ERCC6L2: variants seen among roughly 807,000 people sequenced by gnomAD.
The protein encoded by ERCC6L2 is ERCC excision repair 6 like 2.
A neutral mutation model predicts 132.0 loss-of-function variants in ERCC6L2; 77 were observed. The observed-to-expected ratio is 0.58, with a 90% CI of 0.49 to 0.71. The LOEUF is 0.71. Among genes scored for constraint, ERCC6L2 ranks in the 30% least tolerant of loss-of-function variants. The pLI is 0.00. For synonymous variants in ERCC6L2, 583 were observed against 632.4 expected, an observed-to-expected ratio of 0.92 and a Z score of 1.17; for missense variants, 1,542 against 1,837.6, an observed-to-expected ratio of 0.84 and a Z score of 2.94.
chr9:95,918,831 A>C lies in ERCC6L2; in HGVS notation c.1159-2344A>C, dbSNP rs1021262957. The C allele has an allele frequency of 2.6e-5, 4 of 155,374 alleles. No individual in the cohort carries two copies. The Admixed American group carries it at 2.6e-4, about 10-fold the overall frequency. 9.6% of individuals were successfully genotyped at this position (155,374 alleles called of 1,614,324 possible). A position where few individuals can be genotyped will look rare whatever the true frequency, so the allele number is the denominator to read the frequency against. On this transcript the variant is annotated intron_variant, in intron 6 of 18. Transcript: ENST00000653738. ...GCCATCATCAGTCCTGCTGTTGTGA[A>C]GTAACAACTACACAGAGATTTCTCA...
In ERCC6L2 at chr9:96,013,057, T is replaced by A. The variant is rs374112204; in HGVS notation, c.4507T>A (p.Cys1503Ser). 1.9e-5 allele frequency: 26 copies of A among 1,367,530 alleles called. No individual in the cohort carries two copies. Among genetic ancestry groups the A allele is most frequent in the Non-Finnish European group, 2.5e-5 (26 of 1,021,842 alleles). The allele number at this position is 1,367,530 out of a possible 1,614,324, so 84.7% of individuals were successfully genotyped here. Residue 1503 changes from cysteine to serine, a missense_variant, in exon 19 of 19, where the codon TGT (cysteine) becomes AGT (serine). By Grantham distance (112) the Cys-to-Ser change is moderately radical (BLOSUM62 -1). Around this residue, in one of 4 missense-constraint regions of ERCC6L2, gnomAD observed 442 missense variants for 583.4 expected, o/e 0.76. Coordinates refer to ENST00000653738, the MANE Select transcript of ERCC6L2 (RefSeq NM_020207.7). Reference sequence around the variant, plus strand: ...AGACTTGGCAGTAATAGAGACTCTGTGTGAAAAAGCACCTCTAGCAGCACC... The same window carrying A: ...AGACTTGGCAGTAATAGAGACTCTGAGTGAAAAAGCACCTCTAGCAGCACC... ...LTDLAVIETL[C>S]EKAPLAAPFK... is the part of the protein sequence containing the mutation.
intron 18 of ERCC6L2, among the ~76,000 whole-genome samples, chr9:96,010,184 A>G (rs779763611): frequency 2.0e-5 from 3 of 152,208 alleles, no homozygotes; most frequent in Non-Finnish European, 4.4e-5. Flanking sequence ...ATGTGTTACT[A>G]AATATTCTGT....
intron 12 of ERCC6L2, among the ~76,000 whole-genome samples, chr9:95,947,264 C>T (rs968947460): frequency 2.6e-5 from 4 of 152,272 alleles, no homozygotes; most frequent in African/African-American, 9.6e-5. Flanking sequence ...ATTGCTGATA[C>T]GAAGAAAGTT....
chr9:95,900,130 A>C (rs1828693079), intron 3 of ERCC6L2, among the ~76,000 whole-genome samples: 1 of 152,184 alleles, frequency 6.6e-6, no homozygotes, highest in Admixed American at 6.5e-5. Context: ...TCACACCTGT[A>C]ATCCCAGCAC....
chr9:95,906,683 A>G (rs1406181640), intron 3 of ERCC6L2: 5 of 457,768 alleles, frequency 1.1e-5, no homozygotes, highest in African/African-American at 6.0e-5. Flanking sequence ...AGGAGACCAT[A>G]TATTTCAAGA....
intron 13 of ERCC6L2, among the ~76,000 whole-genome samples, chr9:95,958,208 A>C (rs1587977878): frequency 6.6e-6 from 1 of 151,930 alleles, no homozygotes; most frequent in Non-Finnish European, 1.5e-5. Context: ...TGAACTCATC[A>C]TTTTTTATGG....
At chr9:95,962,366 A>C (rs1006683468) in intron 13 of ERCC6L2, among the ~76,000 whole-genome samples, 50 of 152,250 alleles carry the variant, frequency 3.3e-4, no homozygotes, top group Admixed American at 3.3e-3. Context: ...TCCATAGCTA[A>C]CTGACAGAAA....
At chr9:95,912,133 C>T (rs1056085430) in intron 4 of ERCC6L2, among the ~76,000 whole-genome samples, 17 of 152,302 alleles carry the variant, frequency 1.1e-4, no homozygotes, top group African/African-American at 4.1e-4. Context: ...CTTAACTTTT[C>T]AAGAATGTGT....
chr9:95,921,070 C>T (rs2018478), intron 6 of ERCC6L2, 105 bp from the exon 7 acceptor site: 91,845 of 1,117,624 alleles, frequency 0.082, 4,146 homozygotes, highest in Middle Eastern at 0.12. Context: ...CCTCTGCGCC[C>T]GGCCAGTTTT....
intron 11 of ERCC6L2, among the ~76,000 whole-genome samples, chr9:95,938,752 T>C (rs1368136392): frequency 6.6e-6 from 1 of 152,178 alleles, no homozygotes; most frequent in Non-Finnish European, 1.5e-5. Context: ...GGAGAGCATA[T>C]TGTTTTTTCA....
At chr9:95,950,861 T>C (rs1831299357) in intron 12 of ERCC6L2, among the ~76,000 whole-genome samples, 1 of 152,086 alleles carries the variant, frequency 6.6e-6, no homozygotes, top group South Asian at 2.1e-4. Context: ...AAGGGAGAAA[T>C]AGCTCTGCAA....
Position 95,907,166 on chromosome 9 carries a change from A to C in ERCC6L2, c.683A>C (p.His228Pro). ...TWGYFRVTVLHGNRKDNELIR... is the reference protein window; with the variant it reads ...TWGYFRVTVLPGNRKDNELIR... The stretch of plus-strand genomic sequence containing the variant: ...GGATATTTCAGAGTCACTGTTTTAC[A>C]TGGAAACAGAAAAGATAATGAATTA... Residue 228 changes from histidine to proline, a missense_variant, in exon 4 of 19, where the codon CAT becomes CCT. By Grantham distance (77) the His-to-Pro change is moderately conservative (BLOSUM62 -2). Coordinates refer to ENST00000653738, the MANE Select transcript of ERCC6L2 (RefSeq NM_020207.7). The C allele has an allele frequency of 6.2e-7, 1 of 1,613,390 alleles. No homozygotes were observed. The highest frequency in any genetic ancestry group is 8.5e-7 in the Non-Finnish European group (1 of 1,179,606).
chr9:95,921,519 A>G (rs751344901), intron 7 of ERCC6L2, among the ~76,000 whole-genome samples: 7 of 152,234 alleles, frequency 4.6e-5, no homozygotes, highest in Non-Finnish European at 8.8e-5. Flanking sequence ...ATTTTCAAAA[A>G]GTTAATTGCA....
rs756314653 is a variant in ERCC6L2 at position 95,973,068 on chromosome 9, A to C, written c.3317A>C (p.Glu1106Ala). 1 of 1,340,208 alleles carries C rather than the reference A, an allele frequency of 7.5e-7. No homozygotes were observed. Among genetic ancestry groups the C allele is most frequent in the East Asian group, 4.6e-5 (1 of 21,736 alleles). 83.0% of individuals were successfully genotyped at this position (1,340,208 alleles called of 1,614,324 possible). Residue 1106 changes from glutamate (E) to alanine (A), a missense_variant, in exon 16 of 19, where the codon GAA becomes GCA. Glu to Ala is a moderately radical substitution (Grantham distance 107, BLOSUM62 -1). This residue lies in a region of ERCC6L2 where 442 missense variants were observed against 583.4 expected (regional missense o/e 0.76). Coordinates refer to ENST00000653738, the MANE Select transcript of ERCC6L2 (RefSeq NM_020207.7). Reference sequence around the variant, plus strand: ...GTTGTTAATCAAGAGCAGTCGTATGAATCAATGGATAAATTTTTAGGTAAC... The same window carrying C: ...GTTGTTAATCAAGAGCAGTCGTATGCATCAATGGATAAATTTTTAGGTAAC... ...EKVVNQEQSY[E>A]SMDKFLDGVQ... is the part of the protein sequence containing the mutation.
intron 18 of ERCC6L2, among the ~76,000 whole-genome samples, chr9:96,008,702 C>T (rs1436109199): frequency 6.6e-6 from 1 of 152,220 alleles, no homozygotes; most frequent in Non-Finnish European, 1.5e-5. Flanking sequence ...AAGGCACACC[C>T]AGTGACCCCA....
chr9:96,035,989 C>T (rs907713276), intron 19 of ERCC6L2, among the ~76,000 whole-genome samples: 3 of 152,214 alleles, frequency 2.0e-5, no homozygotes, highest in Non-Finnish European at 4.4e-5. Context: ...AATAACCAGA[C>T]AAACACAATT....
At chr9:96,007,420 C>T (rs913635808) in intron 18 of ERCC6L2, among the ~76,000 whole-genome samples, 3 of 152,114 alleles carry the variant, frequency 2.0e-5, no homozygotes, top group East Asian at 1.9e-4. Flanking sequence ...GGGTGGGAAG[C>T]AAGATTAATC....
At chr9:96,037,935 C>T (rs1205825884) in intron 19 of ERCC6L2, among the ~76,000 whole-genome samples, 1 of 151,544 alleles carries the variant, frequency 6.6e-6, no homozygotes, top group Non-Finnish European at 1.5e-5. Context: ...ATGGATTTGG[C>T]CATGTGGTGG....
At chr9:96,002,133 G>T (rs2133195631) in intron 17 of ERCC6L2, among the ~76,000 whole-genome samples, 1 of 152,312 alleles carries the variant, frequency 6.6e-6, no homozygotes, top group African/African-American at 2.4e-5. Context: ...GAGGGAGTGG[G>T]CTCCAGCCTT....
Sources: allele counts gnomAD v4.1 joint callset (sites outside exome capture counted in the v4.1 genomes callset), GRCh38; gene constraint gnomAD v4.1.1; regional missense constraint gnomAD v4.1.1; transcripts MANE v1.5; gene names NCBI Gene and HGNC (gene_info 2026-07-23, HGNC 2026-07-21).